Variants in RABL3 observed in about 807,000 individuals in gnomAD.
The protein encoded by RABL3 is rab-like protein 3.
Under a neutral mutation model 31.8 loss-of-function variants are expected in RABL3, and 31 were observed. The observed-to-expected ratio is 0.97, with a 90% CI of 0.73 to 1.31. The LOEUF is 1.31. RABL3 is among the 40% of genes most tolerant of loss of function. RABL3 has a pLI of 0.00. For missense variants in RABL3, 263 were observed against 279.6 expected (o/e 0.94, Z 0.42); for synonymous variants, 97 against 99.9 (o/e 0.97, Z 0.18).
chr3:120,731,391 A>AG (rs1477463513), intron 1 of RABL3, among the ~76,000 whole-genome samples: 4 of 152,236 alleles, frequency 2.6e-5, no homozygotes, highest in African/African-American at 9.6e-5. Flanking sequence ...AAAAGCAGCC[A>AG]ACCACTTAGC....
At chr3:120,723,715 A>G (rs1576343406) in intron 2 of RABL3, among the ~76,000 whole-genome samples, 3 of 152,362 alleles carry the variant, frequency 2.0e-5, no homozygotes, top group African/African-American at 7.2e-5. Flanking sequence ...TTATGTCAAT[A>G]GATGCAGAAA....
intron 2 of RABL3, among the ~76,000 whole-genome samples, chr3:120,724,347 T>G (rs1315204093): frequency 2.0e-5 from 3 of 152,144 alleles, no homozygotes; most frequent in Non-Finnish European, 4.4e-5. Flanking sequence ...GTAGGCAGAA[T>G]CAATATCATG....
chr3:120,733,666 T>C (rs1708916529), intron 1 of RABL3, among the ~76,000 whole-genome samples: 2 of 152,340 alleles, frequency 1.3e-5, no homozygotes, highest in South Asian at 2.1e-4. Flanking sequence ...CTAGGTTTTC[T>C]TCTAGGGTTT....
intron 3 of RABL3, among the ~76,000 whole-genome samples, 193 bp downstream of exon 3, chr3:120,709,587 T>A (rs1312480463): frequency 8.1e-6 from 1 of 122,814 alleles, no homozygotes; most frequent in African/African-American, 2.8e-5. Context: ...ACACTTAATG[T>A]TTAATGTTCT....
intron 2 of RABL3, among the ~76,000 whole-genome samples, chr3:120,723,426 G>C (rs556587880): frequency 2.0e-5 from 3 of 152,156 alleles, no homozygotes; most frequent in Admixed American, 2.0e-4. Context: ...GAAAAAGGGG[G>C]AATCCTCCCT....
chr3:120,696,186 TCAGG>T (rs1277480292), intron 5 of RABL3, among the ~76,000 whole-genome samples: 3 of 152,220 alleles, frequency 2.0e-5, no homozygotes, highest in African/African-American at 2.4e-5. Flanking sequence ...TTGCATGTAT[TCAGG>T]CAGTTATTTA....
intron 4 of RABL3, among the ~76,000 whole-genome samples, chr3:120,705,280 C>A (rs1339439583): frequency 6.6e-6 from 1 of 151,998 alleles, no homozygotes; most frequent in African/African-American, 2.4e-5. Context: ...AAAATCCAAC[C>A]AAAATTTTTG....
At chr3:120,740,602 A>G (rs1709029478) in intron 1 of RABL3, among the ~76,000 whole-genome samples, 1 of 152,212 alleles carries the variant, frequency 6.6e-6, no homozygotes, top group Admixed American at 6.5e-5. Flanking sequence ...TCAAAATTTT[A>G]TAAGGGAAAT....
intron 1 of RABL3, among the ~76,000 whole-genome samples, chr3:120,736,884 G>T (rs1448617678): frequency 1.3e-5 from 2 of 152,200 alleles, no homozygotes; most frequent in Admixed American, 6.5e-5. Context: ...GGTTTGTAGA[G>T]TTTCTGCTGA....
At chr3:120,705,978 A>T (rs1422188016) in intron 4 of RABL3, 22 bp downstream of exon 4, 1 of 1,353,550 alleles carries the variant, frequency 7.4e-7, no homozygotes, top group East Asian at 2.3e-5. Context: ...AATCTTTCAA[A>T]CCAATTGTGA....
intron 4 of RABL3, among the ~76,000 whole-genome samples, chr3:120,701,725 T>C (rs1454853810): frequency 6.6e-6 from 1 of 152,216 alleles, no homozygotes; most frequent in Non-Finnish European, 1.5e-5. Context: ...TTATACTATA[T>C]TTAGGTTTCA....
chr3:120,721,369 C>T (rs1708738631), intron 2 of RABL3, among the ~76,000 whole-genome samples: 1 of 152,122 alleles, frequency 6.6e-6, no homozygotes, highest in African/African-American at 2.4e-5. Flanking sequence ...GCTAAATGCT[C>T]CAATTAAAAG....
intron 2 of RABL3, among the ~76,000 whole-genome samples, chr3:120,723,492 C>G (rs1444973556): frequency 1.3e-5 from 2 of 151,922 alleles, no homozygotes; most frequent in Admixed American, 1.3e-4. Context: ...AGAGACACAA[C>G]AAAAAAAGAG....
At chr3:120,717,893 C>T (rs1708689405) in intron 2 of RABL3, among the ~76,000 whole-genome samples, 1 of 152,200 alleles carries the variant, frequency 6.6e-6, no homozygotes, top group Non-Finnish European at 1.5e-5. Flanking sequence ...GCATTCCTTG[C>T]AGACAAAATC....
At chr3:120,695,791 T>C (rs149444687) in intron 5 of RABL3, among the ~76,000 whole-genome samples, 56 of 152,258 alleles carry the variant, frequency 3.7e-4, no homozygotes, top group African/African-American at 1.3e-3. Flanking sequence ...TGTCAAAAGT[T>C]TGAGACAATT....
intron 2 of RABL3, among the ~76,000 whole-genome samples, chr3:120,724,564 C>T (rs1366858170): frequency 6.6e-6 from 1 of 152,196 alleles, no homozygotes; most frequent in Non-Finnish European, 1.5e-5. Flanking sequence ...TACAAGGCTA[C>T]AGTAACCAAA....
chr3:120,734,309 T>C lies in RABL3; in HGVS notation c.47-3522A>G, dbSNP rs1371141099. Reference sequence around the variant, plus strand: ...AGGTATTTTATTCTCTTTGAAGCAATTGTGAATGGGGAGTTCACTCATGAT... The same window carrying C: ...AGGTATTTTATTCTCTTTGAAGCAACTGTGAATGGGGAGTTCACTCATGAT... On this transcript the variant is annotated intron_variant, in intron 1 of 7. Coordinates refer to ENST00000273375, the MANE Select transcript of RABL3 (RefSeq NM_173825.5). 2.0e-5 allele frequency among the ~76,000 whole-genome samples: 3 copies of C among 152,234 alleles called. 1 individual carries two copies. Among genetic ancestry groups the C allele is most frequent in the Admixed American group, 1.3e-4 (2 of 15,280 alleles).
chr3:120,698,499 T>C lies in RABL3; in HGVS notation c.458A>G (p.His153Arg), dbSNP rs1260887494. Residue 153 changes from histidine (H) to arginine (R), a missense_variant, in exon 5 of 8, where the codon CAT becomes CGT. His to Arg is a conservative substitution (Grantham distance 29). Transcript: ENST00000273375. ...TAAAACTTCATGGCGCTTTGTTTCA[T>C]GAATCTGGTCCAGTTTAGTCCCTAT... The part of the protein sequence containing the change: ...LVIGTKLDQI[H>R]ETKRHEVLTR... 8.1e-6 allele frequency: 13 copies of C among 1,613,930 alleles called. No individual in the cohort carries two copies. In the South Asian group the frequency reaches 1.2e-4, roughly 15 times the overall value.
At chr3:120,709,665 G>A in intron 3 of RABL3, 115 bp downstream of exon 3, 1 of 735,516 alleles carries the variant, frequency 1.4e-6, no homozygotes, top group African/African-American at 1.8e-5. Flanking sequence ...CAAGGGTTGT[G>A]AGTACATTAT....
Sources: allele counts gnomAD v4.1 joint callset (sites outside exome capture counted in the v4.1 genomes callset), GRCh38; gene constraint gnomAD v4.1.1; transcripts MANE v1.5; gene names NCBI Gene and HGNC (gene_info 2026-07-23, HGNC 2026-07-21).